Variants in FRMPD4 observed in about 807,000 individuals in gnomAD.
FRMPD4 encodes the protein FERM and PDZ domain containing 4.
A neutral mutation model predicts 94.1 loss-of-function variants in FRMPD4; 22 were observed. The ratio of observed to expected loss-of-function variants is 0.23; its 90% CI spans 0.17 to 0.33. FRMPD4 has a LOEUF of 0.33. Among genes scored for constraint, FRMPD4 ranks in the 10% least tolerant of loss-of-function variants. The pLI is 1.00. For missense variants in FRMPD4, 1,111 were observed against 1,339.9 expected (o/e 0.83, Z 2.67); for synonymous variants, 631 against 548.6 (o/e 1.15, Z -2.10).
chrX:12,690,077 C>T, intron 7 of FRMPD4, 118 bp from the exon 8 acceptor site: 1 of 494,948 alleles, frequency 2.0e-6, no homozygotes, highest in Non-Finnish European at 3.3e-6. Flanking sequence ...CAGAATCAAC[C>T]AAACGTATAA....
chrX:12,682,044 G>T (rs770728394), intron 5 of FRMPD4, among the ~76,000 whole-genome samples: 45 of 111,514 alleles, frequency 4.0e-4, no homozygotes, highest in Non-Finnish European at 7.5e-4. Context: ...CCTGTAAGTG[G>T]AATCATGCAA....
chrX:12,549,700 A>G (rs1194288201), intron 2 of FRMPD4, among the ~76,000 whole-genome samples: 1 of 112,124 alleles, frequency 8.9e-6, no homozygotes, highest in Admixed American at 9.5e-5. Flanking sequence ...CCAGGCACCA[A>G]TAGACCAGTA....
Position 11,896,200 on chromosome X carries a change from G to GA in FRMPD4, c.95+18192dup, listed in dbSNP as rs368721405. Among the ~76,000 whole-genome samples the GA allele has an allele frequency of 7.4e-3, 799 of 108,276 alleles. 12 individuals are homozygous for GA. The highest frequency in any genetic ancestry group is 0.024 in the African/African-American group (723 of 29,874). 94.0% of individuals were successfully genotyped at this position (108,276 alleles called of 115,157 possible). ...TAGAGGCATATTGAAGTATTTTAAA[G>GA]AAAAAAAAAATAATTCAAACTCAAC... On this transcript the variant is annotated intron_variant, in intron 3 of 18. Coordinates refer to the FRMPD4 transcript ENST00000640291.
chrX:12,474,527 T>A (rs2057566382), intron 1 of FRMPD4, among the ~76,000 whole-genome samples: 1 of 111,165 alleles, frequency 9.0e-6, no homozygotes, highest in Non-Finnish European at 1.9e-5. Context: ...CAGGAGCTGG[T>A]TTTTTGAAAC....
At chrX:11,933,632 C>A (rs4830456) in intron 3 of FRMPD4, among the ~76,000 whole-genome samples, 38,908 of 111,602 alleles carry the variant, frequency 0.35, 5,407 homozygotes, top group East Asian at 0.82. Flanking sequence ...TCCACCATCA[C>A]TTCTATTTCA....
At chrX:12,261,255 A>C (rs760155315) in intron 1 of FRMPD4, among the ~76,000 whole-genome samples, 2 of 112,198 alleles carry the variant, frequency 1.8e-5, no homozygotes, top group Non-Finnish European at 3.8e-5. Flanking sequence ...TAGTTTATAA[A>C]AATCTGTGAA....
chrX:12,479,628 A>G (rs953820200), intron 1 of FRMPD4, among the ~76,000 whole-genome samples: 9 of 107,524 alleles, frequency 8.4e-5, no homozygotes, highest in Admixed American at 4.1e-4. Context: ...TGGCCTCCAA[A>G]GTAGCTAGCA....
intron 1 of FRMPD4, among the ~76,000 whole-genome samples, chrX:12,208,187 T>C (rs912237826): frequency 4.0e-4 from 45 of 111,358 alleles, no homozygotes; most frequent in African/African-American, 1.4e-3. Context: ...GAATTCACAG[T>C]CTATACAACG....
intron 1 of FRMPD4, among the ~76,000 whole-genome samples, chrX:12,261,723 C>T (rs963329651): frequency 2.7e-5 from 3 of 111,302 alleles, no homozygotes; most frequent in African/African-American, 9.8e-5. Flanking sequence ...GTAAAACAAC[C>T]CTGTACATCA....
At chrX:11,841,410 T>G (rs1601796445) in intron 1 of FRMPD4, among the ~76,000 whole-genome samples, 1 of 108,848 alleles carries the variant, frequency 9.2e-6, no homozygotes, top group East Asian at 2.9e-4. Flanking sequence ...CAGCACCTGT[T>G]GTTTCCTGAC....
At chrX:12,027,874 A>G (rs2054669415) in intron 3 of FRMPD4, among the ~76,000 whole-genome samples, 1 of 112,322 alleles carries the variant, frequency 8.9e-6, no homozygotes, top group African/African-American at 3.2e-5. Flanking sequence ...GTGTTTAAAT[A>G]GTGCTCATAT....
intron 16 of FRMPD4, among the ~76,000 whole-genome samples, chrX:12,719,788 T>C (rs2042183570): frequency 9.0e-6 from 1 of 111,014 alleles, no homozygotes; most frequent in Non-Finnish European, 1.9e-5. Flanking sequence ...AGTTACCTCT[T>C]GCTTCTCACA....
At chrX:12,627,558 T>A (rs2148443323) in intron 4 of FRMPD4, among the ~76,000 whole-genome samples, 1 of 111,881 alleles carries the variant, frequency 8.9e-6, no homozygotes, top group Admixed American at 9.5e-5. Context: ...GAAAACATTA[T>A]AACAAGGCTG....
At chrX:12,157,974 T>G (rs5935249) in intron 1 of FRMPD4, among the ~76,000 whole-genome samples, 3 of 110,770 alleles carry the variant, frequency 2.7e-5, no homozygotes, top group African/African-American at 6.6e-5. Flanking sequence ...GTGTATACAC[T>G]TGCTCATGTG....
intron 1 of FRMPD4, among the ~76,000 whole-genome samples, chrX:12,300,474 CT>C (rs1033555002): frequency 1.8e-5 from 2 of 111,889 alleles, no homozygotes; most frequent in Admixed American, 1.9e-4. Flanking sequence ...GTGATGTGGA[CT>C]TCATGCCACT....
chrX:12,382,952 G>T (rs1288233875), intron 1 of FRMPD4, among the ~76,000 whole-genome samples: 1 of 111,961 alleles, frequency 8.9e-6, no homozygotes, highest in Non-Finnish European at 1.9e-5. Flanking sequence ...TTGGATCAAT[G>T]GCTTGCTCCT....
chrX:11,827,652 T>C, intron 1 of FRMPD4, among the ~76,000 whole-genome samples: 1 of 111,924 alleles, frequency 8.9e-6, no homozygotes, highest in East Asian at 2.8e-4. Flanking sequence ...GCCCTGGTGC[T>C]TACCCTGCGT....
chrX:12,177,717 T>C (rs915554478), intron 1 of FRMPD4, among the ~76,000 whole-genome samples: 2 of 112,106 alleles, frequency 1.8e-5, no homozygotes, highest in Non-Finnish European at 3.8e-5. Flanking sequence ...ACGGAACTTA[T>C]TGAGTGCTGA....
At chrX:12,034,794 G>T (rs758786623) in intron 3 of FRMPD4, among the ~76,000 whole-genome samples, 5 of 112,253 alleles carry the variant, frequency 4.5e-5, no homozygotes, top group Non-Finnish European at 9.4e-5. Context: ...TTATTCCTTT[G>T]CCAGAACCAT....
Sources: allele counts gnomAD v4.1 joint callset (sites outside exome capture counted in the v4.1 genomes callset), GRCh38; gene constraint gnomAD v4.1.1; transcripts MANE v1.5; gene names NCBI Gene and HGNC (gene_info 2026-07-23, HGNC 2026-07-21).